Variants in L3MBTL4 observed in about 807,000 individuals in gnomAD.
L3MBTL4 encodes the protein L3MBTL histone methyl-lysine binding protein 4, also known as lethal(3)malignant brain tumor-like protein 4.
L3MBTL4 carries 70 observed loss-of-function variants against 84.5 expected under a neutral mutation model. That is an observed-to-expected ratio of 0.83 (90% confidence interval 0.68 to 1.01). The LOEUF (loss-of-function observed/expected upper bound fraction) is 1.01, where lower values mean the gene tolerates loss of function less well. Among genes scored for constraint, L3MBTL4 ranks in the 50% least tolerant of loss-of-function variants. The pLI, the probability that L3MBTL4 is intolerant of heterozygous loss-of-function variation, is 0.00. For missense variants in L3MBTL4, 715 were observed against 754.8 expected (o/e 0.95, Z 0.62); for synonymous variants, 274 against 259.8 (o/e 1.05, Z -0.52).
At chr18:6,119,272 G>A (rs542131791) in intron 14 of L3MBTL4, among the ~76,000 whole-genome samples, 2 of 152,172 alleles carry the variant, frequency 1.3e-5, no homozygotes, top group African/African-American at 4.8e-5. Flanking sequence ...ACAAAAATTA[G>A]GAGCTGTTTG....
At chr18:6,392,902 A>G (rs997570130) in intron 1 of L3MBTL4, among the ~76,000 whole-genome samples, 2 of 152,160 alleles carry the variant, frequency 1.3e-5, no homozygotes, top group African/African-American at 2.4e-5. Context: ...AGTGGTATCA[A>G]GAACTTTGGA....
chr18:6,165,978 G>A (rs1296583637), intron 13 of L3MBTL4, among the ~76,000 whole-genome samples: 1 of 152,108 alleles, frequency 6.6e-6, no homozygotes, highest in East Asian at 1.9e-4. Context: ...ATAAAGGGAT[G>A]GAGGAAGATC....
At chr18:6,134,203 T>C (rs976291237) in intron 14 of L3MBTL4, among the ~76,000 whole-genome samples, 2 of 152,080 alleles carry the variant, frequency 1.3e-5, no homozygotes, top group African/African-American at 4.8e-5. Flanking sequence ...ATCACAAGAA[T>C]AGCATGGGAA....
chr18:6,253,885 A>G (rs2048028427), intron 5 of L3MBTL4, among the ~76,000 whole-genome samples: 1 of 152,164 alleles, frequency 6.6e-6, no homozygotes, highest in South Asian at 2.1e-4. Flanking sequence ...GGAATGTTAG[A>G]TTTTCTTCTG....
At chr18:6,360,275 A>C (rs1308788242) in intron 1 of L3MBTL4, among the ~76,000 whole-genome samples, 2 of 152,148 alleles carry the variant, frequency 1.3e-5, no homozygotes, top group Non-Finnish European at 2.9e-5. Context: ...GGAGACTGAC[A>C]CGGGGGGATC....
chr18:6,238,669 G>C (rs2047321966), intron 9 of L3MBTL4, among the ~76,000 whole-genome samples: 1 of 152,120 alleles, frequency 6.6e-6, no homozygotes, highest in Non-Finnish European at 1.5e-5. Context: ...ATATTAATAG[G>C]ACAGTCCAAT....
chr18:5,970,035 A>C (rs1196893473), intron 16 of L3MBTL4, among the ~76,000 whole-genome samples: 3 of 152,244 alleles, frequency 2.0e-5, no homozygotes, highest in African/African-American at 7.2e-5. Context: ...GCCTCAGTCC[A>C]CATCTGGCTT....
chr18:6,263,900 C>T (rs1219668611), intron 5 of L3MBTL4, 47 bp downstream of exon 5: 2 of 1,265,228 alleles, frequency 1.6e-6, no homozygotes, highest in East Asian at 2.3e-5. Flanking sequence ...AACTAAACCT[C>T]TTAAGTGTTG....
At chr18:6,125,690 A>G (rs1346214823) in intron 14 of L3MBTL4, among the ~76,000 whole-genome samples, 1 of 152,196 alleles carries the variant, frequency 6.6e-6, no homozygotes, top group Middle Eastern at 3.2e-3. Context: ...TTGGCCTCCC[A>G]AAGTGTTGGA....
At position 6,191,353 on chromosome 18, in the gene L3MBTL4, T is replaced by C. The variant is rs527447775; in HGVS notation, c.982-19411A>G. The stretch of plus-strand genomic sequence containing the variant: ...AAAGCTGTAGTCAACAGTTTGCTGG[T>C]GAATTAGAATATTAGCTGTGATAGG... On this transcript the variant is annotated intron_variant, in intron 12 of 18. Coordinates refer to ENST00000317931, the MANE Select transcript of L3MBTL4 (RefSeq NM_001330559.2). Among the ~76,000 whole-genome samples the C allele has an allele frequency of 4.6e-5, 7 of 152,216 alleles. No homozygotes were observed. In the East Asian group the frequency reaches 1.2e-3, roughly 25 times the overall value.
At chr18:5,976,725 T>C (rs1052447737) in intron 16 of L3MBTL4, among the ~76,000 whole-genome samples, 3 of 152,148 alleles carry the variant, frequency 2.0e-5, no homozygotes, top group African/African-American at 7.2e-5. Context: ...AAATACCTGT[T>C]GAGTGGATGA....
chr18:6,293,679 A>T (rs1166564238), intron 4 of L3MBTL4, among the ~76,000 whole-genome samples: 1 of 152,258 alleles, frequency 6.6e-6, no homozygotes, highest in Admixed American at 6.5e-5. Flanking sequence ...TTATCCTCAT[A>T]AATGGGACAT....
chr18:6,282,576 C>T (rs1408799798), intron 4 of L3MBTL4, among the ~76,000 whole-genome samples: 5 of 152,090 alleles, frequency 3.3e-5, no homozygotes, highest in Non-Finnish European at 5.9e-5. Context: ...AGACGAGGCT[C>T]GGGAGACCGG....
intron 16 of L3MBTL4, among the ~76,000 whole-genome samples, chr18:6,074,186 T>G (rs2057784247): frequency 1.3e-5 from 2 of 152,268 alleles, no homozygotes; most frequent in Admixed American, 6.5e-5. Flanking sequence ...CTAAGTTCCC[T>G]GGCCGCACGT....
chr18:6,084,180 A>G lies in L3MBTL4; in HGVS notation c.1374-3229T>C, dbSNP rs960284266. On this transcript the variant is annotated intron_variant, in intron 15 of 18. Coordinates refer to ENST00000317931, the MANE Select transcript of L3MBTL4 (RefSeq NM_001330559.2). ...GTCTAACTGTACCTAGACACCTTCTAGAACAAGAGTTAGCAAACTATGCCC... is the reference window on the plus strand; with the variant it reads ...GTCTAACTGTACCTAGACACCTTCTGGAACAAGAGTTAGCAAACTATGCCC... Among the ~76,000 whole-genome samples, 3 of 152,348 alleles carry G rather than the reference A, an allele frequency of 2.0e-5. No homozygotes were observed. The East Asian group carries it at 5.8e-4, about 29-fold the overall frequency.
chr18:5,969,375 C>T lies in L3MBTL4; in HGVS notation c.1614+18G>A. ...AGCAGGCACACCCCAGCCCTGGCCCCCCAGCAGCTCCACTCACCTCATCCA... is the reference window on the plus strand; with the variant it reads ...AGCAGGCACACCCCAGCCCTGGCCCTCCAGCAGCTCCACTCACCTCATCCA... On this transcript the variant is annotated intron_variant, in intron 17 of 18. Transcript: ENST00000317931. The T allele has an allele frequency of 1.9e-6, 3 of 1,613,546 alleles. No individual in the cohort carries two copies. Among genetic ancestry groups the T allele is most frequent in the Non-Finnish European group, 2.5e-6 (3 of 1,179,946 alleles).
intron 13 of L3MBTL4, among the ~76,000 whole-genome samples, chr18:6,152,034 A>G (rs1032177369): frequency 1.3e-5 from 2 of 152,166 alleles, no homozygotes; most frequent in African/African-American, 4.8e-5. Context: ...ACTCCAGTTT[A>G]TCCATGATAT....
intron 17 of L3MBTL4, among the ~76,000 whole-genome samples, chr18:5,962,348 G>C (rs550254342): frequency 6.6e-6 from 1 of 152,252 alleles, no homozygotes; most frequent in African/African-American, 2.4e-5. Flanking sequence ...TCTAGGCATA[G>C]AGAATCCCAG....
chr18:6,229,948 C>G (rs540447667), intron 10 of L3MBTL4, among the ~76,000 whole-genome samples: 1 of 152,212 alleles, frequency 6.6e-6, no homozygotes, highest in African/African-American at 2.4e-5. Flanking sequence ...ATTGTATAGA[C>G]TATTCAGGGT....
Sources: gnomAD v4.1 joint callset for allele counts (sites outside exome capture counted in the v4.1 genomes callset) on GRCh38, gnomAD v4.1.1 for gene constraint, MANE v1.5 for transcripts, NCBI Gene and HGNC (gene_info 2026-07-23, HGNC 2026-07-21) for gene names.